PRR16: variants seen among roughly 807,000 people sequenced by gnomAD.
The protein encoded by PRR16 is proline rich 16.
PRR16 carries 6 observed loss-of-function variants against 18.2 expected under a neutral mutation model. The observed-to-expected ratio is 0.33, with a 90% confidence interval of 0.18 to 0.65. The LOEUF (loss-of-function observed/expected upper bound fraction) is 0.65, where lower values mean the gene tolerates loss of function less well. Among genes scored for constraint, PRR16 ranks in the 30% least tolerant of loss-of-function variants. The pLI, the probability that PRR16 is intolerant of heterozygous loss-of-function variation, is 0.74. For synonymous variants in PRR16, 151 were observed against 147.8 expected (o/e 1.02, Z -0.16); for missense variants, 412 against 376.6 (o/e 1.09, Z -0.78).
the PRR16 span, among the ~76,000 whole-genome samples, chr5:120,734,106 A>T: frequency 6.4e-3 from 968 of 152,142 alleles, 19 homozygotes; most frequent in African/African-American, 0.022. Flanking sequence ...CACACAGGGG[A>T]TGTAAGCCCT....
At chr5:120,634,633 ACT>A (rs1391906749) in intron 1 of PRR16, among the ~76,000 whole-genome samples, 1 of 152,168 alleles carries the variant, frequency 6.6e-6, no homozygotes, top group Non-Finnish European at 1.5e-5. Context: ...GCAGAGTGAT[ACT>A]CTGTCTCAAA....
chr5:120,616,396 A>T (rs1244161943), intron 1 of PRR16, among the ~76,000 whole-genome samples: 1 of 152,176 alleles, frequency 6.6e-6, no homozygotes, highest in African/African-American at 2.4e-5. Context: ...TTATAGTATC[A>T]ACATCAAGAG....
chr5:120,705,122 G>C, the PRR16 span, among the ~76,000 whole-genome samples: 1 of 151,904 alleles, frequency 6.6e-6, no homozygotes, highest in Non-Finnish European at 1.5e-5. Flanking sequence ...TTGTTAAAAA[G>C]AGCAAAGTTT....
intron 1 of PRR16, among the ~76,000 whole-genome samples, chr5:120,562,830 TG>T (rs1160254308): frequency 6.6e-6 from 1 of 152,188 alleles, no homozygotes. Flanking sequence ...TATGTCTTAT[TG>T]TATTGTCTAT....
chr5:120,517,339 A>G (rs1751031005), intron 1 of PRR16, among the ~76,000 whole-genome samples: 1 of 152,144 alleles, frequency 6.6e-6, no homozygotes, highest in Non-Finnish European at 1.5e-5. Flanking sequence ...TGCTCTGACC[A>G]TCCACCACAG....
chr5:120,755,979 GTTAC>G, the PRR16 span, among the ~76,000 whole-genome samples: 1 of 152,202 alleles, frequency 6.6e-6, no homozygotes, highest in African/African-American at 2.4e-5. Flanking sequence ...TTTCCCATTG[GTTAC>G]TTAGTTTACA....
intron 1 of PRR16, among the ~76,000 whole-genome samples, chr5:120,650,636 T>C (rs946436432): frequency 1.3e-4 from 20 of 152,110 alleles, no homozygotes; most frequent in African/African-American, 3.6e-4. Flanking sequence ...GCTTCATCCA[T>C]GTCCCTACAA....
At chr5:120,664,618 C>A (rs976292945) in intron 1 of PRR16, among the ~76,000 whole-genome samples, 2 of 151,932 alleles carry the variant, frequency 1.3e-5, no homozygotes, top group Admixed American at 6.6e-5. Context: ...TCCCCCTACC[C>A]CACAGCAGTC....
intron 1 of PRR16, among the ~76,000 whole-genome samples, chr5:120,632,760 A>G (rs1360071277): frequency 6.6e-6 from 1 of 152,192 alleles, no homozygotes; most frequent in Non-Finnish European, 1.5e-5. Flanking sequence ...AAGAATAATC[A>G]GTGTTCCTGA....
At chr5:120,763,379 C>A in the PRR16 span, among the ~76,000 whole-genome samples, 1 of 152,064 alleles carries the variant, frequency 6.6e-6, no homozygotes, top group Non-Finnish European at 1.5e-5. Context: ...AGTGATCAGC[C>A]TGCCTTGGAC....
chr5:120,742,571 G>A, the PRR16 span, among the ~76,000 whole-genome samples: 1 of 151,714 alleles, frequency 6.6e-6, no homozygotes, highest in Non-Finnish European at 1.5e-5. Flanking sequence ...GAGATTAAAA[G>A]CATAGTTTCA....
chr5:120,695,213 C>T, the PRR16 span, among the ~76,000 whole-genome samples: 2 of 151,998 alleles, frequency 1.3e-5, no homozygotes, highest in African/African-American at 2.4e-5. Flanking sequence ...ATAGTTGTAT[C>T]AAATAATGAC....
intron 1 of PRR16, among the ~76,000 whole-genome samples, chr5:120,492,264 G>A (rs1279655193): frequency 4.0e-4 from 8 of 19,914 alleles, no homozygotes; most frequent in Non-Finnish European, 1.2e-3. Context: ...GAGTGTGTGT[G>A]TGTGTGTGTG....
intron 1 of PRR16, among the ~76,000 whole-genome samples, chr5:120,558,654 G>A (rs924581878): frequency 6.6e-6 from 1 of 151,778 alleles, no homozygotes; most frequent in Non-Finnish European, 1.5e-5. Context: ...CTATCTCTTG[G>A]TGTATACCTA....
intron 1 of PRR16, among the ~76,000 whole-genome samples, chr5:120,602,661 T>G (rs951707324): frequency 6.6e-6 from 1 of 152,060 alleles, no homozygotes; most frequent in African/African-American, 2.4e-5. Context: ...GAAAAATGCT[T>G]CAGCTTTTGC....
At chr5:120,782,226 A>T in the PRR16 span, among the ~76,000 whole-genome samples, 1 of 152,286 alleles carries the variant, frequency 6.6e-6, no homozygotes, top group Non-Finnish European at 1.5e-5. Context: ...TTGCAGGATT[A>T]GCTTCATTAA....
intron 1 of PRR16, among the ~76,000 whole-genome samples, chr5:120,625,413 T>C (rs1025655109): frequency 2.0e-5 from 3 of 152,160 alleles, no homozygotes; most frequent in South Asian, 2.1e-4. Flanking sequence ...CAATGCAGAC[T>C]GCAACCTCAA....
Position 120,516,185 on chromosome 5 carries a change from A to G in PRR16, c.159+51540A>G, listed in dbSNP as rs946596692. Among the ~76,000 whole-genome samples, 6 of 152,146 alleles carry G rather than the reference A, an allele frequency of 3.9e-5. No homozygotes were observed. The East Asian group carries it at 1.2e-3, about 29-fold the overall frequency. On this transcript the variant is annotated intron_variant, in intron 1 of 1. Transcript: ENST00000407149. ...ATGCCCGTAATCTCAGCACTTTGGG[A>G]GGTGGAGGTGGGAGGATCACTTGAG...
At chr5:120,702,679 G>A in the PRR16 span, among the ~76,000 whole-genome samples, 2 of 152,288 alleles carry the variant, frequency 1.3e-5, no homozygotes, top group East Asian at 1.9e-4. Flanking sequence ...CGGATAAAAC[G>A]TGTCTTCTTT....
Sources: gnomAD v4.1 joint callset for allele counts (sites outside exome capture counted in the v4.1 genomes callset) on GRCh38, gnomAD v4.1.1 for gene constraint, MANE v1.5 for transcripts, NCBI Gene and HGNC (gene_info 2026-07-23, HGNC 2026-07-21) for gene names.